Variants in SYNPO observed in about 807,000 individuals in gnomAD.
SYNPO encodes the protein synaptopodin.
In SYNPO, 19 loss-of-function variants were observed where a neutral mutation model predicts 49.5. The ratio of observed to expected loss-of-function variants is 0.38; its 90% CI spans 0.27 to 0.56. SYNPO has a LOEUF of 0.56. SYNPO is among the 20% of genes least tolerant of loss of function. The pLI, the probability that SYNPO is intolerant of heterozygous loss-of-function variation, is 0.68. For synonymous variants in SYNPO, 536 were observed against 548.0 expected, an observed-to-expected ratio of 0.98 and a Z score of 0.31; for missense variants, 1,131 against 1,248.3, an observed-to-expected ratio of 0.91 and a Z score of 1.42.
chr5:150,598,122 C>T (rs77155091), upstream of SYNPO, among the ~76,000 whole-genome samples: 3 of 152,062 alleles, frequency 2.0e-5, no homozygotes, highest in Non-Finnish European at 2.9e-5. Context: ...GGGTAGGGCT[C>T]GCCAGACCGA....
rs1207489344 is a variant in SYNPO at position 150,659,129 on chromosome 5, C to T, written c.*2042C>T. 6.6e-6 allele frequency: 1 copy of T among 152,486 alleles called. No homozygotes were observed. Among genetic ancestry groups the T allele is most frequent in the African/African-American group, 2.4e-5 (1 of 41,462 alleles). 9.4% of individuals were successfully genotyped at this position (152,486 alleles called of 1,614,324 possible). On this transcript the variant is annotated 3_prime_UTR_variant, in exon 3 of 3. Coordinates refer to ENST00000307662, the MANE Select transcript of SYNPO (RefSeq NM_007286.6). ...GCCCTCTCCCCAACCTCTCCTCTAA[C>T]CCACTAGAGATTGCCTGTGTCCTGC...
chr5:150,620,416 G>A (rs898183091), intron 2 of SYNPO, among the ~76,000 whole-genome samples: 4 of 152,270 alleles, frequency 2.6e-5, no homozygotes, highest in African/African-American at 9.6e-5. Context: ...TCCCCATGAG[G>A]GACATACTTT....
intron 1 of SYNPO, among the ~76,000 whole-genome samples, chr5:150,610,235 G>T (rs963010339): frequency 1.3e-5 from 2 of 152,170 alleles, no homozygotes; most frequent in Admixed American, 1.3e-4. Context: ...TTGTCATTGT[G>T]CAGGGAGGTC....
At chr5:150,620,899 C>CTTTTTCTTTCTTTCTTTCTTTCTT (rs1014762340) in intron 2 of SYNPO, among the ~76,000 whole-genome samples, 14 of 108,922 alleles carry the variant, frequency 1.3e-4, no homozygotes, top group African/African-American at 4.5e-4. Flanking sequence ...TTCTTTTTTT[C>CTTTTTCTTTCTTTCTTTCTTTCTT]TCTTTCTTTC....
At chr5:150,616,997 C>T (rs1756999076) in intron 1 of SYNPO, among the ~76,000 whole-genome samples, 1 of 152,106 alleles carries the variant, frequency 6.6e-6, no homozygotes, top group African/African-American at 2.4e-5. Flanking sequence ...TGCTATATCC[C>T]CAGTACTTTT....
chr5:150,608,725 A>G (rs932225742), intron 1 of SYNPO, among the ~76,000 whole-genome samples: 1 of 152,084 alleles, frequency 6.6e-6, no homozygotes, highest in Non-Finnish European at 1.5e-5. Flanking sequence ...AAGCTTCAAA[A>G]TACGCTGATC....
At chr5:150,595,930 C>G in the SYNPO span, among the ~76,000 whole-genome samples, 2 of 152,148 alleles carry the variant, frequency 1.3e-5, no homozygotes, top group Non-Finnish European at 2.9e-5. Context: ...GGCCCAGCGG[C>G]TCTTCTCAAA....
intron 1 of SYNPO, among the ~76,000 whole-genome samples, chr5:150,643,323 G>T (rs1252462850): frequency 1.3e-5 from 2 of 152,172 alleles, no homozygotes; most frequent in African/African-American, 4.8e-5. Context: ...AATAGTTTGT[G>T]ATTTGTAGGT....
intron 1 of SYNPO, among the ~76,000 whole-genome samples, chr5:150,645,691 C>A (rs1279182966): frequency 6.6e-6 from 1 of 152,142 alleles, no homozygotes; most frequent in East Asian, 1.9e-4. Flanking sequence ...CTAGAGACCC[C>A]AGAAAGAACA....
At chr5:150,620,899 C>CTTTT (rs1014762340) in intron 2 of SYNPO, among the ~76,000 whole-genome samples, 4,469 of 108,966 alleles carry the variant, frequency 0.041, 235 homozygotes, top group African/African-American at 0.12. Flanking sequence ...TTCTTTTTTT[C>CTTTT]TCTTTCTTTC....
Position 150,649,533 on chromosome 5 carries a change from C to A in SYNPO, c.1258C>A (p.Pro420Thr), listed in dbSNP as rs542778502. 6.2e-7 allele frequency: 1 copy of A among 1,610,922 alleles called. No individual in the cohort carries two copies. The highest frequency in any genetic ancestry group is 1.3e-5 in the African/African-American group (1 of 74,936). ...DQGEVGVEEEPFALGAEASNF... is the reference protein window; with the variant it reads ...DQGEVGVEEETFALGAEASNF... ...GGGGGAGGTAGGCGTGGAGGAGGAG[C>A]CCTTCGCACTGGGGGCCGAGGCCTC... The change falls in exon 2 of 3, where the codon CCC becomes ACC. Residue 420 changes from proline (P) to threonine (T), a missense_variant. Physicochemically the swap from Pro to Thr is conservative, Grantham distance 38 (BLOSUM62 -1). This residue lies in a region of SYNPO where 602 missense variants were observed against 720.7 expected (regional missense o/e 0.84). Transcript: ENST00000307662.
chr5:150,620,877 C>CTTTTTCTT (rs1310328236), intron 2 of SYNPO, among the ~76,000 whole-genome samples: 6 of 148,540 alleles, frequency 4.0e-5, no homozygotes, highest in Non-Finnish European at 8.9e-5. Context: ...TCATTCCTTT[C>CTTTTTCTT]TTTTTCTTTT....
At chr5:150,644,746 T>C (rs1197238164) in intron 1 of SYNPO, among the ~76,000 whole-genome samples, 1 of 152,202 alleles carries the variant, frequency 6.6e-6, no homozygotes, top group Non-Finnish European at 1.5e-5. Flanking sequence ...AGACACAGCA[T>C]GAGCTGAGCA....
upstream of SYNPO, among the ~76,000 whole-genome samples, chr5:150,638,347 C>T (rs932782594): frequency 2.6e-5 from 4 of 152,218 alleles, no homozygotes; most frequent in Non-Finnish European, 5.9e-5. Context: ...CCCTCACAAA[C>T]GTGTTGCTCT....
intron 2 of SYNPO, among the ~76,000 whole-genome samples, chr5:150,632,551 A>G (rs1561645292): frequency 6.6e-6 from 1 of 152,202 alleles, no homozygotes; most frequent in Non-Finnish European, 1.5e-5. Flanking sequence ...AGGAAAAGAT[A>G]AAACAGGCTG....
intron 2 of SYNPO, among the ~76,000 whole-genome samples, chr5:150,620,191 T>A (rs1757109054): frequency 6.6e-6 from 1 of 152,226 alleles, no homozygotes; most frequent in South Asian, 2.1e-4. Flanking sequence ...CTTATCTACC[T>A]CAAAGAGCTG....
intron 1 of SYNPO, among the ~76,000 whole-genome samples, chr5:150,606,139 T>C (rs1195468079): frequency 6.6e-6 from 1 of 152,042 alleles, no homozygotes; most frequent in East Asian, 1.9e-4. Flanking sequence ...AAGATTCACA[T>C]ACAAACATAC....
Position 150,649,778 on chromosome 5 carries a change from C to T in SYNPO, c.1503C>T (p.His501=). 6.2e-7 allele frequency: 1 copy of T among 1,612,538 alleles called. No homozygotes were observed. The highest frequency in any genetic ancestry group is 8.5e-7 in the Non-Finnish European group (1 of 1,180,030). The change falls in exon 2 of 3, where the codon CAC becomes CAT. Residue 501 remains histidine (H), a synonymous_variant. Transcript: ENST00000307662. The part of the protein sequence containing the change: ...MEKYVIESSS[H]TPELARCPSP... ...AATATGTCATCGAGTCTTCAAGCCA[C>T]ACGCCAGAGCTGGCCCGCTGCCCAT... is the stretch of plus-strand genomic sequence containing the variant.
upstream of SYNPO, among the ~76,000 whole-genome samples, chr5:150,596,086 T>C (rs1483324181): frequency 4.6e-5 from 7 of 152,178 alleles, no homozygotes. Context: ...CCACAATCTC[T>C]GCAAATAAAA....
Sources: allele counts gnomAD v4.1 joint callset (sites outside exome capture counted in the v4.1 genomes callset), GRCh38; gene constraint gnomAD v4.1.1; regional missense constraint gnomAD v4.1.1; transcripts MANE v1.5; gene names NCBI Gene and HGNC (gene_info 2026-07-23, HGNC 2026-07-21).